Variants in NEK11 observed in about 807,000 individuals in gnomAD.
NEK11 encodes the protein NIMA related kinase 11.
In NEK11, 72 loss-of-function variants were observed where a neutral mutation model predicts 80.7. The observed-to-expected ratio is 0.89, with a 90% CI of 0.74 to 1.08. The LOEUF (loss-of-function observed/expected upper bound fraction) is 1.08, where lower values mean the gene tolerates loss of function less well. Among genes scored for constraint, NEK11 ranks in the 50% least tolerant of loss-of-function variants. NEK11 has a pLI of 0.00. For missense variants in NEK11, 764 were observed against 763.6 expected (o/e 1.00, Z -0.01); for synonymous variants, 251 against 260.7 (o/e 0.96, Z 0.36).
At chr3:131,185,188 C>T (rs776231548) in intron 14 of NEK11, among the ~76,000 whole-genome samples, 14 of 152,024 alleles carry the variant, frequency 9.2e-5, no homozygotes, top group Non-Finnish European at 1.9e-4. Context: ...AGGGCCATTA[C>T]GTGAAAATAT....
chr3:131,227,489 C>T lies in NEK11; in HGVS notation c.1400-1039C>T, dbSNP rs562253058. 1.5e-4 allele frequency among the ~76,000 whole-genome samples: 23 copies of T among 152,076 alleles called. 1 individual carries two copies. Among genetic ancestry groups the T allele is most frequent in the Non-Finnish European group, 2.5e-4 (17 of 68,024 alleles). ...GAGCTCTGTGAGTTTAAGTCTCTTG[C>T]ACAAATTTTCATCTAAAAAGTGGAA... On this transcript the variant is annotated intron_variant, in intron 14 of 17. Transcript: ENST00000383366.
At chr3:131,211,863 A>C (rs1332756225) in intron 14 of NEK11, among the ~76,000 whole-genome samples, 1 of 151,924 alleles carries the variant, frequency 6.6e-6, no homozygotes, top group Non-Finnish European at 1.5e-5. Flanking sequence ...CTAGTTATCC[A>C]TTCTTCTAAT....
At position 131,228,746 on chromosome 3, in the gene NEK11, C is replaced by G. The variant is rs377259199; in HGVS notation, c.1560+58C>G. On this transcript the variant is annotated intron_variant, in intron 15 of 17. Coordinates refer to ENST00000383366, the MANE Select transcript of NEK11 (RefSeq NM_024800.5). ...CTGTTCAAGGTACTGATTGGACTCTCCCAGAGAAGAAAGGAAGTCTTATAA... is the reference window on the plus strand; with the variant it reads ...CTGTTCAAGGTACTGATTGGACTCTGCCAGAGAAGAAAGGAAGTCTTATAA... 5.5e-5 allele frequency: 83 copies of G among 1,506,000 alleles called. No homozygotes were observed. The Admixed American group carries it at 6.8e-4, about 12-fold the overall frequency. The allele number at this position is 1,506,000 out of a possible 1,614,324, so 93.3% of individuals were successfully genotyped here. A position where few individuals can be genotyped will look rare whatever the true frequency, so the allele number is the denominator to read the frequency against.
intron 4 of NEK11, among the ~76,000 whole-genome samples, chr3:131,089,742 A>G (rs891502644): frequency 5.9e-5 from 9 of 152,138 alleles, no homozygotes; most frequent in South Asian, 4.1e-4. Context: ...CCCAATCTGC[A>G]TTTACTGAGT....
chr3:131,042,230 C>T (rs960089423), intron 3 of NEK11, among the ~76,000 whole-genome samples: 2 of 151,306 alleles, frequency 1.3e-5, no homozygotes, highest in Non-Finnish European at 2.9e-5. Context: ...TTCCCTGTAT[C>T]CCAGTGGTGC....
chr3:131,193,357 G>A (rs777388722), intron 14 of NEK11, among the ~76,000 whole-genome samples: 82 of 152,262 alleles, frequency 5.4e-4, no homozygotes, highest in Non-Finnish European at 1.0e-3. Flanking sequence ...TATTGTTAGA[G>A]TTTGGACTTC....
chr3:131,286,875 T>C (rs2096478136), intron 17 of NEK11, among the ~76,000 whole-genome samples: 1 of 152,174 alleles, frequency 6.6e-6, no homozygotes, highest in Non-Finnish European at 1.5e-5. Flanking sequence ...ATCAAGGAGT[T>C]TCACCTGTCC....
At chr3:131,208,890 T>C (rs1474139991) in intron 14 of NEK11, among the ~76,000 whole-genome samples, 10 of 152,234 alleles carry the variant, frequency 6.6e-5, no homozygotes, top group Non-Finnish European at 1.5e-4. Context: ...TTTCTAAGTA[T>C]ACAATCATGT....
intron 17 of NEK11, among the ~76,000 whole-genome samples, chr3:131,298,984 T>C (rs1225577339): frequency 6.6e-6 from 1 of 151,914 alleles, no homozygotes; most frequent in Non-Finnish European, 1.5e-5. Flanking sequence ...GAGGTTTCTA[T>C]TAAGACATCC....
chr3:131,296,904 A>G (rs2096599909), intron 17 of NEK11, among the ~76,000 whole-genome samples: 1 of 151,912 alleles, frequency 6.6e-6, no homozygotes, highest in African/African-American at 2.4e-5. Flanking sequence ...GAGTGAGAAT[A>G]TGCCGTGTTT....
intron 17 of NEK11, among the ~76,000 whole-genome samples, chr3:131,302,282 G>T (rs1456471180): frequency 6.6e-6 from 1 of 151,798 alleles, no homozygotes; most frequent in African/African-American, 2.4e-5. Flanking sequence ...TGGTGTATCA[G>T]TCTTATTTAC....
intron 17 of NEK11, among the ~76,000 whole-genome samples, chr3:131,323,595 G>A (rs1459179155): frequency 6.6e-6 from 1 of 152,144 alleles, no homozygotes; most frequent in Non-Finnish European, 1.5e-5. Flanking sequence ...CATAATAAAG[G>A]CATTGTATGA....
chr3:131,041,509 TG>T (rs1362740372), intron 3 of NEK11, among the ~76,000 whole-genome samples: 1 of 151,564 alleles, frequency 6.6e-6, no homozygotes, highest in East Asian at 1.9e-4. Context: ...AAAAACTCTG[TG>T]TGTGTGTGTG....
At chr3:131,141,163 G>A (rs1460910018) in intron 7 of NEK11, among the ~76,000 whole-genome samples, 1 of 152,028 alleles carries the variant, frequency 6.6e-6, no homozygotes, top group African/African-American at 2.4e-5. Flanking sequence ...GGTGGTATTT[G>A]CAGAAGGGAA....
At chr3:131,233,257 G>A (rs898728116) in intron 15 of NEK11, among the ~76,000 whole-genome samples, 1 of 152,156 alleles carries the variant, frequency 6.6e-6, no homozygotes, top group Non-Finnish European at 1.5e-5. Flanking sequence ...GAATGGCCTG[G>A]CCCTAACTTC....
At chr3:131,048,069 A>T (rs2067704334) in intron 3 of NEK11, among the ~76,000 whole-genome samples, 1 of 152,170 alleles carries the variant, frequency 6.6e-6, no homozygotes, top group African/African-American at 2.4e-5. Context: ...GAAAACTGGC[A>T]GTTACAGGCC....
chr3:131,052,076 GTCTTATTTT>G (rs1414033695), intron 3 of NEK11, among the ~76,000 whole-genome samples: 2 of 150,322 alleles, frequency 1.3e-5, no homozygotes, highest in Non-Finnish European at 3.0e-5. Flanking sequence ...AGAATACAGA[GTCTTATTTT>G]TCCCCTTTCT....
intron 3 of NEK11, among the ~76,000 whole-genome samples, chr3:131,050,232 C>T (rs1221500082): frequency 6.6e-6 from 1 of 152,144 alleles, no homozygotes; most frequent in Non-Finnish European, 1.5e-5. Flanking sequence ...AATCATTTTG[C>T]CACTTATGAA....
At chr3:131,223,067 C>T (rs145585018) in intron 14 of NEK11, among the ~76,000 whole-genome samples, 2 of 152,164 alleles carry the variant, frequency 1.3e-5, no homozygotes, top group African/African-American at 2.4e-5. Context: ...TGGAATGCCA[C>T]TCCAGTATAC....
Sources: allele counts gnomAD v4.1 joint callset (sites outside exome capture counted in the v4.1 genomes callset), GRCh38; gene constraint gnomAD v4.1.1; transcripts MANE v1.5; gene names NCBI Gene and HGNC (gene_info 2026-07-23, HGNC 2026-07-21).